RCAN2: variants seen among roughly 807,000 people sequenced by gnomAD.
The protein encoded by RCAN2 is regulator of calcineurin 2.
In RCAN2, 9 loss-of-function variants were observed where a neutral mutation model predicts 23.6. That is an observed-to-expected ratio of 0.38 (90% CI 0.23 to 0.67). The LOEUF is 0.67. RCAN2 is among the 30% of genes least tolerant of loss of function. The pLI, the probability that RCAN2 is intolerant of heterozygous loss-of-function variation, is 0.51. For missense variants in RCAN2, 273 were observed against 302.3 expected, an observed-to-expected ratio of 0.90 and a Z score of 0.72; for synonymous variants, 109 against 115.7, an observed-to-expected ratio of 0.94 and a Z score of 0.37.
chr6:46,440,390 C>T (rs192304455), intron 2 of RCAN2, among the ~76,000 whole-genome samples: 32 of 148,164 alleles, frequency 2.2e-4, no homozygotes, highest in Admixed American at 2.7e-4. Flanking sequence ...ATATGAGTCA[C>T]GGCAAAAAAA....
intron 1 of RCAN2, among the ~76,000 whole-genome samples, chr6:46,457,700 TGAGATA>T (rs1204226502): frequency 6.6e-6 from 1 of 152,154 alleles, no homozygotes; most frequent in East Asian, 1.9e-4. Flanking sequence ...CTCTTCTGAC[TGAGATA>T]ATTACTTCAA....
chr6:46,447,752 T>A (rs1362509681), intron 2 of RCAN2, among the ~76,000 whole-genome samples: 2 of 151,666 alleles, frequency 1.3e-5, no homozygotes, highest in Non-Finnish European at 3.0e-5. Context: ...GAACAACTAA[T>A]GGGTCAAAGA....
At chr6:46,449,764 A>T (rs1248492497) in intron 2 of RCAN2, among the ~76,000 whole-genome samples, 2 of 151,978 alleles carry the variant, frequency 1.3e-5, no homozygotes, top group Non-Finnish European at 2.9e-5. Flanking sequence ...GAACAACTGG[A>T]TATCCACATT....
chr6:46,318,374 C>T (rs1291772520), intron 2 of RCAN2, among the ~76,000 whole-genome samples: 1 of 151,996 alleles, frequency 6.6e-6, no homozygotes, highest in Non-Finnish European at 1.5e-5. Context: ...GCTAAAGGAT[C>T]AAGACCTTTT....
intron 2 of RCAN2, among the ~76,000 whole-genome samples, chr6:46,372,392 T>A (rs1039596515): frequency 6.6e-6 from 1 of 152,156 alleles, no homozygotes; most frequent in Non-Finnish European, 1.5e-5. Flanking sequence ...AGCTTAGAGG[T>A]GGAAGCATGT....
chr6:46,255,663 C>A (rs990993301), intron 2 of RCAN2, among the ~76,000 whole-genome samples: 1 of 151,942 alleles, frequency 6.6e-6, no homozygotes, highest in Non-Finnish European at 1.5e-5. Flanking sequence ...CGGTGACCAC[C>A]GACTCAGGAG....
intron 1 of RCAN2, among the ~76,000 whole-genome samples, chr6:46,486,906 T>C (rs745723836): frequency 6.6e-6 from 1 of 152,228 alleles, no homozygotes; most frequent in Non-Finnish European, 1.5e-5. Context: ...TAAGGGATTT[T>C]TGAAGTTTCC....
chr6:46,240,062 G>T (rs1192676603), intron 4 of RCAN2, among the ~76,000 whole-genome samples: 1 of 152,160 alleles, frequency 6.6e-6, no homozygotes, highest in African/African-American at 2.4e-5. Context: ...GAGGAAAGTG[G>T]CGGAGATGAA....
At chr6:46,340,675 T>G (rs1236450350) in intron 2 of RCAN2, among the ~76,000 whole-genome samples, 1 of 152,204 alleles carries the variant, frequency 6.6e-6, no homozygotes, top group East Asian at 1.9e-4. Flanking sequence ...GAGTGGGAAA[T>G]AAGTCTCTCT....
At chr6:46,299,630 T>G (rs1762838953) in intron 2 of RCAN2, among the ~76,000 whole-genome samples, 1 of 152,020 alleles carries the variant, frequency 6.6e-6, no homozygotes, top group Admixed American at 6.6e-5. Flanking sequence ...TGTTATTTTC[T>G]CCTAAAATAA....
chr6:46,465,507 G>A (rs1768351353), intron 1 of RCAN2, among the ~76,000 whole-genome samples: 1 of 152,222 alleles, frequency 6.6e-6, no homozygotes, highest in Non-Finnish European at 1.5e-5. Context: ...AGAGTTGAGA[G>A]GAGGGGAGGG....
At chr6:46,376,172 A>C (rs1304452141) in intron 2 of RCAN2, among the ~76,000 whole-genome samples, 1 of 152,188 alleles carries the variant, frequency 6.6e-6, no homozygotes, top group Non-Finnish European at 1.5e-5. Flanking sequence ...CCAGATCATG[A>C]TTTGCTGTGA....
At chr6:46,348,562 C>T (rs1485878053) in intron 2 of RCAN2, among the ~76,000 whole-genome samples, 1 of 152,166 alleles carries the variant, frequency 6.6e-6, no homozygotes, top group Non-Finnish European at 1.5e-5. Flanking sequence ...CCTGATCATT[C>T]TGTCTATGGG....
At chr6:46,483,826 T>G (rs1740548872) in intron 1 of RCAN2, among the ~76,000 whole-genome samples, 1 of 152,224 alleles carries the variant, frequency 6.6e-6, no homozygotes, top group African/African-American at 2.4e-5. Flanking sequence ...TAAATATTAA[T>G]GCCCACAGCA....
chr6:46,305,095 T>C (rs116577580), intron 2 of RCAN2, among the ~76,000 whole-genome samples: 348 of 152,226 alleles, frequency 2.3e-3, no homozygotes, highest in African/African-American at 7.2e-3. Flanking sequence ...CTGATTATCT[T>C]CATGCAGTTT....
At chr6:46,348,428 T>C (rs1764551621) in intron 2 of RCAN2, among the ~76,000 whole-genome samples, 1 of 152,084 alleles carries the variant, frequency 6.6e-6, no homozygotes. Flanking sequence ...AGAACCCCTT[T>C]CTCTTCCAAG....
At chr6:46,298,508 C>G (rs1762792942) in intron 2 of RCAN2, among the ~76,000 whole-genome samples, 1 of 152,048 alleles carries the variant, frequency 6.6e-6, no homozygotes, top group Admixed American at 6.6e-5. Context: ...AGTACTTATG[C>G]TAAACCAATA....
intron 2 of RCAN2, among the ~76,000 whole-genome samples, chr6:46,287,040 C>G (rs1762398174): frequency 6.6e-6 from 1 of 152,008 alleles, no homozygotes; most frequent in Admixed American, 6.6e-5. Flanking sequence ...ACTTCAATAC[C>G]CAACCAGGCA....
At chr6:46,268,921 G>A (rs942060867) in intron 2 of RCAN2, among the ~76,000 whole-genome samples, 1 of 152,168 alleles carries the variant, frequency 6.6e-6, no homozygotes, top group Admixed American at 6.5e-5. Flanking sequence ...ATAAGGTTTT[G>A]TAGGAAAACA....
Sources: gnomAD v4.1 joint callset for allele counts (sites outside exome capture counted in the v4.1 genomes callset) on GRCh38, gnomAD v4.1.1 for gene constraint, MANE v1.5 for transcripts, NCBI Gene and HGNC (gene_info 2026-07-23, HGNC 2026-07-21) for gene names.